ANXA4: variants seen among roughly 807,000 people sequenced by gnomAD.
ANXA4 encodes the protein 35-beta calcimedin.
A neutral mutation model predicts 49.8 loss-of-function variants in ANXA4; 39 were observed. The observed-to-expected ratio is 0.78, with a 90% confidence interval of 0.61 to 1.02. The LOEUF (loss-of-function observed/expected upper bound fraction) is 1.02. ANXA4 is among the 50% of genes least tolerant of loss of function. ANXA4 has a pLI of 0.00. For missense variants in ANXA4, 360 were observed against 410.1 expected, an observed-to-expected ratio of 0.88 and a Z score of 1.05; for synonymous variants, 134 against 152.5, an observed-to-expected ratio of 0.88 and a Z score of 0.89.
intron 1 of ANXA4, among the ~76,000 whole-genome samples, chr2:69,767,628 G>T (rs1671545926): frequency 6.6e-6 from 1 of 152,224 alleles, no homozygotes; most frequent in African/African-American, 2.4e-5. Context: ...GTGGGGATTA[G>T]AAATGCGCTG....
chr2:69,788,727 A>C (rs899292080), intron 3 of ANXA4, among the ~76,000 whole-genome samples: 5 of 151,076 alleles, frequency 3.3e-5, no homozygotes, highest in Non-Finnish European at 5.9e-5. Context: ...AGTCCCAGCT[A>C]CTCAGGAGGC....
chr2:69,708,461 G>T (rs1336521639), intron 2 of ANXA4, among the ~76,000 whole-genome samples: 3 of 152,046 alleles, frequency 2.0e-5, no homozygotes, highest in South Asian at 4.2e-4. Context: ...CCAGGCTGGT[G>T]GCATCCGCCT....
chr2:69,740,138 C>T (rs948634430), upstream of ANXA4, among the ~76,000 whole-genome samples: 6 of 152,186 alleles, frequency 3.9e-5, no homozygotes, highest in Admixed American at 6.5e-5. Context: ...AGGTTATTTA[C>T]GCGGGGTGCC....
chr2:69,722,666 G>A (rs1358632947), intron 3 of ANXA4, among the ~76,000 whole-genome samples: 1 of 151,380 alleles, frequency 6.6e-6, no homozygotes, highest in East Asian at 1.9e-4. Flanking sequence ...TTCTGTTGGG[G>A]GTGATGAAAA....
At chr2:69,795,788 T>A (rs1672918437) in intron 3 of ANXA4, among the ~76,000 whole-genome samples, 1 of 152,168 alleles carries the variant, frequency 6.6e-6, no homozygotes, top group Non-Finnish European at 1.5e-5. Context: ...GGCTAAAATA[T>A]CTCTACCTAG....
At position 69,695,246 on chromosome 2, in the gene ANXA4, A is replaced by G. The variant is rs147483301; in HGVS notation, n.767-25528A>G. ...TCCATATATAGTACTCACACCATAA[A>G]CAGCATCCATTCTCCTCACGCTGAG... On this transcript the variant is annotated intron_variant and non_coding_transcript_variant, in intron 2 of 3. Transcript: ENST00000418066. 6.1e-3 allele frequency among the ~76,000 whole-genome samples: 929 copies of G among 152,262 alleles called. 21 individuals are homozygous for G. Among genetic ancestry groups the G allele is most frequent in the Admixed American group, 9.7e-3 (149 of 15,286 alleles).
intron 2 of ANXA4, among the ~76,000 whole-genome samples, chr2:69,699,445 G>T (rs1678262524): frequency 8.6e-5 from 13 of 151,864 alleles, no homozygotes; most frequent in Admixed American, 8.5e-4. Flanking sequence ...TTCAAGACCA[G>T]CCCTGGCTAC....
chr2:69,705,355 G>A (rs112134069), intron 2 of ANXA4, among the ~76,000 whole-genome samples: 1 of 152,162 alleles, frequency 6.6e-6, no homozygotes, highest in Non-Finnish European at 1.5e-5. Context: ...GGATTATAGG[G>A]CTTCCTTTTT....
upstream of ANXA4, among the ~76,000 whole-genome samples, chr2:69,741,505 TG>T (rs1670395132): frequency 2.6e-5 from 4 of 152,260 alleles, no homozygotes; most frequent in South Asian, 4.1e-4. Context: ...AAAGCTTTCC[TG>T]GCCTGCTGGG....
upstream of ANXA4, among the ~76,000 whole-genome samples, chr2:69,739,742 C>G (rs554540736): frequency 6.6e-6 from 1 of 152,078 alleles, no homozygotes; most frequent in African/African-American, 2.4e-5. Flanking sequence ...AATTTAAAGG[C>G]TCCTTGGAGT....
chr2:69,782,316 T>C (rs1672231820), intron 2 of ANXA4, among the ~76,000 whole-genome samples: 1 of 152,150 alleles, frequency 6.6e-6, no homozygotes, highest in Non-Finnish European at 1.5e-5. Flanking sequence ...TTTAGGAAGA[T>C]GGGTGTGTAA....
At chr2:69,753,081 A>G (rs750460836) in intron 1 of ANXA4, among the ~76,000 whole-genome samples, 7 of 152,212 alleles carry the variant, frequency 4.6e-5, no homozygotes, top group Non-Finnish European at 1.0e-4. Context: ...AATTCGTAAT[A>G]GTTCTCACAT....
At chr2:69,800,787 C>T (rs80250978) in intron 3 of ANXA4, among the ~76,000 whole-genome samples, 14,777 of 152,136 alleles carry the variant, frequency 0.097, 1,038 homozygotes, top group Non-Finnish European at 0.15. Flanking sequence ...GAAGTGGCCT[C>T]GTCTGGGGTG....
At chr2:69,748,164 A>G (rs1670690744) in intron 1 of ANXA4, among the ~76,000 whole-genome samples, 1 of 151,930 alleles carries the variant, frequency 6.6e-6, no homozygotes, top group Non-Finnish European at 1.5e-5. Flanking sequence ...TCACGAGGTC[A>G]GGAGATTGAG....
At chr2:69,696,562 G>A (rs1453754570) in intron 2 of ANXA4, among the ~76,000 whole-genome samples, 1 of 152,166 alleles carries the variant, frequency 6.6e-6, no homozygotes, top group Non-Finnish European at 1.5e-5. Flanking sequence ...CATCTAAAAT[G>A]GTGAATCCTT....
At chr2:69,786,242 T>C (rs1672409247) in intron 2 of ANXA4, among the ~76,000 whole-genome samples, 1 of 152,212 alleles carries the variant, frequency 6.6e-6, no homozygotes, top group African/African-American at 2.4e-5. Flanking sequence ...CTTGATTCTT[T>C]TCTTTCCTCA....
At chr2:69,750,478 C>CAA (rs1410815970) in intron 1 of ANXA4, among the ~76,000 whole-genome samples, 1 of 152,214 alleles carries the variant, frequency 6.6e-6, no homozygotes, top group Non-Finnish European at 1.5e-5. Context: ...AGTGGCACAA[C>CAA]AATGGCACAC....
In ANXA4 at chr2:69,820,230, G is replaced by A. The variant is rs574735956; in HGVS notation, c.784-469G>A. Among the ~76,000 whole-genome samples the A allele has an allele frequency of 1.6e-4, 20 of 128,442 alleles. 1 individual carries two copies. Among genetic ancestry groups the A allele is most frequent in the African/African-American group, 5.6e-4 (19 of 34,118 alleles). The allele number at this position is 128,442 out of a possible 152,430, so 84.3% of individuals were successfully genotyped here. On this transcript the variant is annotated intron_variant, in intron 11 of 12. Transcript: ENST00000394295. ...ATCCAAACATTGTAGAAACACAGAGGAAAGGGTTTTTTTTTTTTTCAATAT... is the reference window on the plus strand; with the variant it reads ...ATCCAAACATTGTAGAAACACAGAGAAAAGGGTTTTTTTTTTTTTCAATAT...
At chr2:69,653,209 A>G (rs1421190951) in exon 2 of ANXA4, 1 of 152,240 alleles carries the variant, frequency 6.6e-6, no homozygotes, top group East Asian at 1.9e-4. Flanking sequence ...TCTGACTCCT[A>G]AAACCACGCT....
Sources: gnomAD v4.1 joint callset for allele counts (sites outside exome capture counted in the v4.1 genomes callset) on GRCh38, gnomAD v4.1.1 for gene constraint, MANE v1.5 for transcripts, NCBI Gene and HGNC (gene_info 2026-07-23, HGNC 2026-07-21) for gene names.